Variants in CAMK2D observed in about 807,000 individuals in gnomAD.
CAMK2D encodes the protein calcium/calmodulin dependent protein kinase II delta, also known as calcium/calmodulin-dependent protein kinase type II subunit delta.
A neutral mutation model predicts 84.0 loss-of-function variants in CAMK2D; 37 were observed. That is an observed-to-expected ratio of 0.44 (90% CI 0.34 to 0.58). The LOEUF is 0.58. Ranked by LOEUF, CAMK2D falls within the 20% of genes least tolerant of loss-of-function variation. The pLI is 0.02. For synonymous variants in CAMK2D, 202 were observed against 212.5 expected, an observed-to-expected ratio of 0.95 and a Z score of 0.43; for missense variants, 448 against 652.5, an observed-to-expected ratio of 0.69 and a Z score of 3.41.
At chr4:113,704,962 T>C (rs1452047749) in intron 2 of CAMK2D, among the ~76,000 whole-genome samples, 4 of 151,908 alleles carry the variant, frequency 2.6e-5, no homozygotes, top group African/African-American at 9.7e-5. Context: ...GAAGAGCAGA[T>C]TTCTTTGGCG....
chr4:113,566,238 T>C (rs910457803), intron 4 of CAMK2D, among the ~76,000 whole-genome samples: 2 of 152,214 alleles, frequency 1.3e-5, no homozygotes, highest in Non-Finnish European at 2.9e-5. Context: ...TTAAAAACCA[T>C]GTATCTTCCT....
chr4:113,490,144 T>G (rs1454117988), intron 16 of CAMK2D, among the ~76,000 whole-genome samples: 3 of 147,242 alleles, frequency 2.0e-5, no homozygotes, highest in Non-Finnish European at 4.5e-5. Flanking sequence ...CTCTTTAGTT[T>G]AATTAGATCC....
chr4:113,591,459 G>T (rs1434782896), intron 4 of CAMK2D, among the ~76,000 whole-genome samples: 2 of 151,710 alleles, frequency 1.3e-5, no homozygotes, highest in Non-Finnish European at 2.9e-5. Context: ...ACTTTTATTC[G>T]CTCCCACTGC....
intron 3 of CAMK2D, among the ~76,000 whole-genome samples, chr4:113,632,549 T>C (rs2099094171): frequency 6.6e-6 from 1 of 151,654 alleles, no homozygotes; most frequent in African/African-American, 2.4e-5. Flanking sequence ...TTGATTGTGC[T>C]ATTGCACTCC....
chr4:113,559,767 T>C (rs1027184177), intron 4 of CAMK2D, among the ~76,000 whole-genome samples: 1 of 152,224 alleles, frequency 6.6e-6, no homozygotes, highest in Non-Finnish European at 1.5e-5. Flanking sequence ...AAAATGAGCA[T>C]TTATTTAGCC....
intron 3 of CAMK2D, among the ~76,000 whole-genome samples, chr4:113,620,593 C>T (rs925869184): frequency 5.3e-5 from 8 of 151,754 alleles, no homozygotes; most frequent in South Asian, 4.2e-4. Flanking sequence ...CTGCAACCTC[C>T]GCCTCCCAGG....
chr4:113,454,913 GT>G (rs1265032589), intron 20 of CAMK2D, among the ~76,000 whole-genome samples: 4 of 152,082 alleles, frequency 2.6e-5, no homozygotes, highest in Admixed American at 2.6e-4. Flanking sequence ...TGTTATTATT[GT>G]TAGATTCCTT....
intron 4 of CAMK2D, among the ~76,000 whole-genome samples, chr4:113,593,677 C>T (rs1189853764): frequency 6.6e-6 from 1 of 152,158 alleles, no homozygotes; most frequent in Non-Finnish European, 1.5e-5. Flanking sequence ...AAGGTCTGCC[C>T]TCAGGAACAA....
chr4:113,532,538 T>C (rs2098464899), intron 7 of CAMK2D, among the ~76,000 whole-genome samples: 1 of 152,214 alleles, frequency 6.6e-6, no homozygotes, highest in Admixed American at 6.5e-5. Context: ...ATGCACTCTG[T>C]GAATTCCAAG....
rs573110199 is a variant in CAMK2D at position 113,658,068 on chromosome 4, A to T, written c.220+3645T>A. On this transcript the variant is annotated intron_variant, in intron 3 of 20. Coordinates refer to ENST00000511664, the MANE Select transcript of CAMK2D (RefSeq NM_001321571.2). Reference sequence around the variant, plus strand: ...GTGCTGTTAACTAGTGCGATGATCGACAGGAACTGCAGTACTTTCCTTACA... The same window carrying T: ...GTGCTGTTAACTAGTGCGATGATCGTCAGGAACTGCAGTACTTTCCTTACA... 3.3e-5 allele frequency among the ~76,000 whole-genome samples: 5 copies of T among 152,288 alleles called. No homozygotes were observed. The South Asian group carries it at 1.0e-3, about 32-fold the overall frequency.
intron 4 of CAMK2D, among the ~76,000 whole-genome samples, chr4:113,559,279 T>TA (rs35599187): frequency 6.6e-6 from 1 of 152,204 alleles, no homozygotes; most frequent in Non-Finnish European, 1.5e-5. Flanking sequence ...TCAGATAAAT[T>TA]AAAATCTCAA....
chr4:113,455,023 G>T (rs1363547713), intron 20 of CAMK2D, among the ~76,000 whole-genome samples: 1 of 152,172 alleles, frequency 6.6e-6, no homozygotes, highest in Non-Finnish European at 1.5e-5. Context: ...TTTGCTGAAA[G>T]CAACAGCTGG....
intron 3 of CAMK2D, among the ~76,000 whole-genome samples, chr4:113,616,681 C>T (rs2099022665): frequency 6.6e-6 from 1 of 152,050 alleles, no homozygotes; most frequent in South Asian, 2.1e-4. Flanking sequence ...AGTTCTTTTG[C>T]TTGAAAGAAA....
At chr4:113,739,425 C>T (rs1251153684) in intron 2 of CAMK2D, among the ~76,000 whole-genome samples, 1 of 151,978 alleles carries the variant, frequency 6.6e-6, no homozygotes, top group Non-Finnish European at 1.5e-5. Flanking sequence ...AAGTAATATG[C>T]AAAAACAGGC....
At chr4:113,511,078 T>G (rs1469940627) in intron 12 of CAMK2D, among the ~76,000 whole-genome samples, 6 of 152,092 alleles carry the variant, frequency 3.9e-5, no homozygotes, top group Non-Finnish European at 8.8e-5. Flanking sequence ...TGCAAAAATG[T>G]CCCTTTTGGT....
intron 4 of CAMK2D, among the ~76,000 whole-genome samples, chr4:113,557,831 G>C (rs2098675275): frequency 6.6e-6 from 1 of 152,112 alleles, no homozygotes; most frequent in Non-Finnish European, 1.5e-5. Flanking sequence ...ATATAATAAT[G>C]CACTCAACTC....
chr4:113,634,830 C>A (rs2099103670), intron 3 of CAMK2D, among the ~76,000 whole-genome samples: 2 of 152,134 alleles, frequency 1.3e-5, no homozygotes, highest in African/African-American at 4.8e-5. Flanking sequence ...CCAAGGCATT[C>A]CCCCAAGATC....
At chr4:113,716,248 CA>C (rs201893693) in intron 2 of CAMK2D, among the ~76,000 whole-genome samples, 2 of 151,626 alleles carry the variant, frequency 1.3e-5, no homozygotes, top group Non-Finnish European at 2.9e-5. Context: ...CAGTATTGTA[CA>C]AAAAAAAGAC....
chr4:113,490,284 T>C (rs1174876144), intron 16 of CAMK2D, among the ~76,000 whole-genome samples: 1 of 149,772 alleles, frequency 6.7e-6, no homozygotes, highest in East Asian at 1.9e-4. Context: ...AGGTCTAACG[T>C]TTAAGTCTTT....
Sources: allele counts gnomAD v4.1 joint callset (sites outside exome capture counted in the v4.1 genomes callset), GRCh38; gene constraint gnomAD v4.1.1; transcripts MANE v1.5; gene names NCBI Gene and HGNC (gene_info 2026-07-23, HGNC 2026-07-21).